Variants in NUS1 observed in about 807,000 individuals in gnomAD.
NUS1 encodes the protein NUS1 dehydrodolichyl diphosphate synthase subunit.
For missense variants in NUS1, 292 were observed against 382.9 expected (o/e 0.76, Z 1.98); for synonymous variants, 135 against 155.2 (o/e 0.87, Z 0.97).
intron 1 of NUS1, among the ~76,000 whole-genome samples, chr6:117,677,160 G>T (rs1338069948): frequency 1.3e-5 from 2 of 152,184 alleles, no homozygotes; most frequent in East Asian, 1.9e-4. Flanking sequence ...ACTGTGCTAG[G>T]CATATTCCTT....
intron 1 of NUS1, among the ~76,000 whole-genome samples, chr6:117,678,513 G>C (rs1773015597): frequency 6.6e-6 from 1 of 152,134 alleles, no homozygotes; most frequent in Non-Finnish European, 1.5e-5. Context: ...GGGAAGATAG[G>C]AATGTTGAAA....
chr6:117,699,963 A>G (rs1582475035), intron 3 of NUS1, among the ~76,000 whole-genome samples: 1 of 152,192 alleles, frequency 6.6e-6, no homozygotes, highest in Non-Finnish European at 1.5e-5. Context: ...CATGGAAAAT[A>G]ATGAAACTAG....
intron 3 of NUS1, among the ~76,000 whole-genome samples, chr6:117,698,928 C>G (rs889159299): frequency 3.3e-5 from 5 of 152,006 alleles, no homozygotes; most frequent in Admixed American, 3.3e-4. Flanking sequence ...TCAATTGATA[C>G]TGAAGAAGCA....
In NUS1 at chr6:117,675,743, T is replaced by C; in HGVS notation, c.73T>C (p.Trp25Arg). ...LLCLHRTLTSWLRVRFGTWNW... is the reference protein window; with the variant it reads ...LLCLHRTLTSRLRVRFGTWNW... ...CTGTCTGCACCGCACGCTCACCTCC[T>C]GGCTCCGCGTTCGGTTCGGCACCTG... Residue 25 changes from tryptophan (W) to arginine (R), a missense_variant, in exon 1 of 5, where the codon TGG becomes CGG. Coordinates refer to ENST00000368494, the MANE Select transcript of NUS1 (RefSeq NM_138459.5). 1 of 1,546,098 alleles carries C rather than the reference T, an allele frequency of 6.5e-7. No individual in the cohort carries two copies. The highest frequency in any genetic ancestry group is 8.7e-7 in the Non-Finnish European group (1 of 1,149,912).
chr6:117,685,406 T>G (rs1253869960), intron 1 of NUS1, among the ~76,000 whole-genome samples: 1 of 151,706 alleles, frequency 6.6e-6, no homozygotes, highest in Non-Finnish European at 1.5e-5. Context: ...AGAGACAGGG[T>G]CTTACTTTGT....
At chr6:117,693,979 A>G in intron 2 of NUS1, 52 bp from the exon 3 acceptor site, 4 of 1,558,050 alleles carry the variant, frequency 2.6e-6, no homozygotes, top group Admixed American at 1.9e-5. Flanking sequence ...TGCTTTTGAA[A>G]TATACCTGGA....
intron 3 of NUS1, among the ~76,000 whole-genome samples, chr6:117,699,131 G>A (rs1773362550): frequency 1.3e-5 from 2 of 152,114 alleles, no homozygotes; most frequent in Non-Finnish European, 2.9e-5. Context: ...ATTTAGCATA[G>A]CACTGGCGGT....
Position 117,709,442 on chromosome 6 carries a change from G to A in NUS1, c.*2427G>A, listed in dbSNP as rs45612133. 6.9e-6 allele frequency: 1 copy of A among 144,522 alleles called. No individual in the cohort carries two copies. The highest frequency in any genetic ancestry group is 1.5e-5 in the Non-Finnish European group (1 of 66,158). The allele number at this position is 144,522 out of a possible 1,614,324, so 9.0% of individuals were successfully genotyped here. On this transcript the variant is annotated 3_prime_UTR_variant, in exon 5 of 5. Coordinates refer to ENST00000368494, the MANE Select transcript of NUS1 (RefSeq NM_138459.5). ...TTTGTTTCTTAAAACTATAATAATCGGTTACTGTTATAAAGTTTAAAAGGT... is the reference window on the plus strand; with the variant it reads ...TTTGTTTCTTAAAACTATAATAATCAGTTACTGTTATAAAGTTTAAAAGGT...
chr6:117,682,407 C>T (rs1454098317), intron 1 of NUS1, among the ~76,000 whole-genome samples: 1 of 151,986 alleles, frequency 6.6e-6, no homozygotes, highest in Admixed American at 6.6e-5. Context: ...TAAGACCAGC[C>T]TGGGGAATAT....
rs1389313698 is a variant in NUS1, at chr6:117,710,620, T to TA, written c.*3611dup. On this transcript the variant is annotated 3_prime_UTR_variant, in exon 5 of 5. Transcript: ENST00000368494. ...GTAACAAGTTAATAAAGAGATTTTTTAAAAAACTATAAACTAGAAATTGAG... is the reference window on the plus strand; with the variant it reads ...GTAACAAGTTAATAAAGAGATTTTTTAAAAAAACTATAAACTAGAAATTGAG... 6.6e-6 allele frequency: 1 copy of TA among 152,296 alleles called. No individual in the cohort carries two copies. Among genetic ancestry groups the TA allele is most frequent in the Admixed American group, 6.5e-5 (1 of 15,304 alleles). 9.4% of individuals were successfully genotyped at this position (152,296 alleles called of 1,614,324 possible). A position where few individuals can be genotyped will look rare whatever the true frequency, so the allele number is the denominator to read the frequency against.
chr6:117,696,796 G>A (rs1405651019), intron 3 of NUS1, among the ~76,000 whole-genome samples: 1 of 152,022 alleles, frequency 6.6e-6, no homozygotes, highest in Non-Finnish European at 1.5e-5. Context: ...AATCAGAAAG[G>A]AAAAGATGTT....
intron 4 of NUS1, 72 bp from the exon 5 acceptor site, chr6:117,706,853 C>T: frequency 1.6e-6 from 2 of 1,216,762 alleles, no homozygotes; most frequent in African/African-American, 1.5e-5. Flanking sequence ...CTTTTTGGTC[C>T]TTATCTTCTG....
At chr6:117,700,824 C>T (rs1773395380) in intron 3 of NUS1, among the ~76,000 whole-genome samples, 1 of 152,032 alleles carries the variant, frequency 6.6e-6, no homozygotes, top group African/African-American at 2.4e-5. Context: ...AAACTGGAGG[C>T]CATTATGTTA....
At chr6:117,680,637 T>C (rs576638564) in intron 1 of NUS1, among the ~76,000 whole-genome samples, 7 of 152,360 alleles carry the variant, frequency 4.6e-5, no homozygotes, top group African/African-American at 1.7e-4. Flanking sequence ...ACCTGTATGA[T>C]ACTTCTGCAC....
chr6:117,679,219 G>A (rs372184380), intron 1 of NUS1, among the ~76,000 whole-genome samples: 4 of 152,156 alleles, frequency 2.6e-5, no homozygotes, highest in Admixed American at 2.0e-4. Context: ...AAAATTTCCC[G>A]GGTTACCTCC....
intron 1 of NUS1, among the ~76,000 whole-genome samples, chr6:117,687,981 C>T (rs1433026990): frequency 6.6e-6 from 1 of 151,928 alleles, no homozygotes; most frequent in African/African-American, 2.4e-5. Context: ...TTTTGAGGCC[C>T]GAGGAGGAAG....
At chr6:117,693,767 A>T (rs896587994) in intron 2 of NUS1, among the ~76,000 whole-genome samples, 1 of 152,216 alleles carries the variant, frequency 6.6e-6, no homozygotes, top group Admixed American at 6.5e-5. Context: ...TAGAGGATGT[A>T]GTCACAATGT....
intron 1 of NUS1, among the ~76,000 whole-genome samples, chr6:117,676,609 A>T (rs1489997454): frequency 1.3e-5 from 2 of 152,214 alleles, no homozygotes; most frequent in Non-Finnish European, 2.9e-5. Flanking sequence ...AAAAATAAAT[A>T]AAAAATCTCT....
At chr6:117,680,517 A>G (rs1162090851) in intron 1 of NUS1, among the ~76,000 whole-genome samples, 2 of 152,228 alleles carry the variant, frequency 1.3e-5, no homozygotes, top group Non-Finnish European at 2.9e-5. Flanking sequence ...TCTGTGGACC[A>G]TCTGTGAATT....
Sources: gnomAD v4.1 joint callset for allele counts (sites outside exome capture counted in the v4.1 genomes callset) on GRCh38, gnomAD v4.1.1 for gene constraint, MANE v1.5 for transcripts, NCBI Gene and HGNC (gene_info 2026-07-23, HGNC 2026-07-21) for gene names.